DPP6: variants seen among roughly 807,000 people sequenced by gnomAD.
DPP6 encodes the protein dipeptidyl peptidase like 6, also known as A-type potassium channel modulatory protein DPP6.
In DPP6, 69 loss-of-function variants were observed where a neutral mutation model predicts 122.6. The ratio of observed to expected loss-of-function variants is 0.56; its 90% CI spans 0.46 to 0.69. The LOEUF (loss-of-function observed/expected upper bound fraction) is 0.69, where lower values mean the gene tolerates loss of function less well. Among genes scored for constraint, DPP6 ranks in the 30% least tolerant of loss-of-function variants. The pLI is 0.00. For synonymous variants in DPP6, 418 were observed against 433.1 expected (o/e 0.97, Z 0.43); for missense variants, 928 against 1,116.9 (o/e 0.83, Z 2.41).
intron 5 of DPP6, among the ~76,000 whole-genome samples, chr7:154,580,162 C>T (rs1183135303): frequency 6.7e-6 from 1 of 148,422 alleles, no homozygotes; most frequent in Non-Finnish European, 1.5e-5. Flanking sequence ...CACACACACA[C>T]ACACACACAC....
upstream of DPP6, among the ~76,000 whole-genome samples, chr7:153,883,313 A>G (rs1011241340): frequency 6.6e-6 from 1 of 152,214 alleles, no homozygotes; most frequent in African/African-American, 2.4e-5. Flanking sequence ...ACCCAAAATT[A>G]ATATAGAAAT....
chr7:154,796,123 A>G, intron 12 of DPP6: 1 of 547,210 alleles, frequency 1.8e-6, no homozygotes, highest in Non-Finnish European at 3.1e-6. Flanking sequence ...GGCTCTTCAG[A>G]GCGTGGAATG....
At chr7:154,060,779 T>C (rs1366568235) in intron 1 of DPP6, among the ~76,000 whole-genome samples, 2 of 102,152 alleles carry the variant, frequency 2.0e-5, no homozygotes, top group Non-Finnish European at 3.8e-5. Flanking sequence ...CCCTGGCTCT[T>C]AGGACGCCCA....
At chr7:153,835,590 A>G in the DPP6 span, among the ~76,000 whole-genome samples, 1 of 152,192 alleles carries the variant, frequency 6.6e-6, no homozygotes, top group Non-Finnish European at 1.5e-5. Flanking sequence ...GCTCTACACA[A>G]GGATTACAGC....
chr7:154,128,006 C>T (rs1433063209), intron 1 of DPP6, among the ~76,000 whole-genome samples: 23 of 149,162 alleles, frequency 1.5e-4, no homozygotes, highest in African/African-American at 4.3e-4. Context: ...GTAGCAATGA[C>T]GGTGGAAGAA....
chr7:154,730,515 A>C (rs964284901), intron 8 of DPP6, among the ~76,000 whole-genome samples: 1 of 152,226 alleles, frequency 6.6e-6, no homozygotes, highest in African/African-American at 2.4e-5. Flanking sequence ...TATCACAATA[A>C]AAATAACAAT....
chr7:154,310,238 A>G (rs1320696259), intron 1 of DPP6, among the ~76,000 whole-genome samples: 2 of 152,076 alleles, frequency 1.3e-5, no homozygotes, highest in Non-Finnish European at 2.9e-5. Flanking sequence ...GTGTGGTGCT[A>G]TCCTCAGAGG....
intron 1 of DPP6, among the ~76,000 whole-genome samples, chr7:154,420,421 C>T (rs286824): frequency 0.87 from 131,990 of 152,172 alleles, 58,640 homozygotes; most frequent in East Asian, 1. Context: ...GGACAAATAC[C>T]GTGTGATTCC....
chr7:153,792,242 T>C, the DPP6 span, among the ~76,000 whole-genome samples: 6 of 152,364 alleles, frequency 3.9e-5, no homozygotes, highest in Admixed American at 3.9e-4. Context: ...TCCATATGAA[T>C]TTTAGAATCA....
intron 1 of DPP6, among the ~76,000 whole-genome samples, chr7:154,391,287 G>T (rs1325076166): frequency 6.6e-6 from 1 of 152,104 alleles, no homozygotes; most frequent in Non-Finnish European, 1.5e-5. Context: ...TCTGTGTGTT[G>T]GCAGTTGATC....
chr7:154,429,722 C>T (rs540159052), intron 1 of DPP6, among the ~76,000 whole-genome samples: 7 of 152,180 alleles, frequency 4.6e-5, no homozygotes, highest in Non-Finnish European at 8.8e-5. Flanking sequence ...GGACCCAAGG[C>T]TAATGTGGAG....
chr7:154,092,645 G>T (rs1382279197), intron 1 of DPP6: 5 of 152,206 alleles, frequency 3.3e-5, no homozygotes, highest in African/African-American at 1.2e-4. Flanking sequence ...CGTGATATCA[G>T]TGTGTCCTGC....
intron 1 of DPP6, among the ~76,000 whole-genome samples, chr7:154,342,497 G>C (rs1307264734): frequency 2.0e-5 from 3 of 152,230 alleles, no homozygotes; most frequent in Non-Finnish European, 2.9e-5. Flanking sequence ...TTTAGCTGCT[G>C]AGTTGGGGGT....
chr7:154,431,010 C>G (rs970193468), intron 1 of DPP6, among the ~76,000 whole-genome samples: 1 of 152,162 alleles, frequency 6.6e-6, no homozygotes, highest in African/African-American at 2.4e-5. Flanking sequence ...CCTGTGCTCA[C>G]GGCGCTTACT....
the DPP6 span, among the ~76,000 whole-genome samples, chr7:153,822,326 A>G: frequency 6.6e-6 from 1 of 151,682 alleles, no homozygotes. Context: ...AGTAGCTGGG[A>G]CTACAGGCGC....
chr7:154,157,738 A>C (rs1212514408), intron 1 of DPP6, among the ~76,000 whole-genome samples: 1 of 152,054 alleles, frequency 6.6e-6, no homozygotes, highest in African/African-American at 2.4e-5. Flanking sequence ...GTTCGAGACC[A>C]GCCTGACCAA....
chr7:154,580,720 G>T (rs892814432), intron 5 of DPP6, among the ~76,000 whole-genome samples: 3 of 152,218 alleles, frequency 2.0e-5, no homozygotes, highest in Admixed American at 1.3e-4. Flanking sequence ...GGAGAAGAAA[G>T]CCTGGAAGGA....
At chr7:154,524,183 A>G (rs1346828675) in intron 3 of DPP6, among the ~76,000 whole-genome samples, 2 of 152,250 alleles carry the variant, frequency 1.3e-5, no homozygotes, top group Admixed American at 1.3e-4. Flanking sequence ...ATGTTCAGCT[A>G]TGGAAAATAA....
chr7:154,761,202 A>G (rs1273926006), intron 8 of DPP6, among the ~76,000 whole-genome samples: 2 of 152,250 alleles, frequency 1.3e-5, no homozygotes, highest in Non-Finnish European at 2.9e-5. Flanking sequence ...CTGCAAGTCT[A>G]TAAACTGGGC....
Sources: allele counts gnomAD v4.1 joint callset (sites outside exome capture counted in the v4.1 genomes callset), GRCh38; gene constraint gnomAD v4.1.1; transcripts MANE v1.5; gene names NCBI Gene and HGNC (gene_info 2026-07-23, HGNC 2026-07-21).